CEP295: variants seen among roughly 807,000 people sequenced by gnomAD.
CEP295 encodes centrosomal protein of 295 kDa.
In CEP295, 190 loss-of-function variants were observed where a neutral mutation model predicts 291.6. The ratio of observed to expected loss-of-function variants is 0.65; its 90% confidence interval spans 0.58 to 0.73. The LOEUF is 0.73. CEP295 is among the 30% of genes least tolerant of loss of function. The pLI, the probability that CEP295 is intolerant of heterozygous loss-of-function variation, is 0.00. For synonymous variants in CEP295, 993 were observed against 1,038.8 expected (o/e 0.96, Z 0.85); for missense variants, 2,863 against 2,949.4 (o/e 0.97, Z 0.68).
Position 93,699,343 on chromosome 11 carries a change from G to A in CEP295, c.4431G>A (p.Gln1477=), listed in dbSNP as rs932802984. The part of the protein sequence containing the change: ...TDFLPSIEKT[Q]KELVLSKPCK... ...TCCTTCCTTCTATTGAGAAAACCCA[G>A]AAAGAATTGGTTTTGTCAAAACCAT... The change falls in exon 15 of 30, where the codon CAG becomes CAA. Residue 1477 remains glutamine, a synonymous_variant. Transcript: ENST00000325212. 6.4e-7 allele frequency: 1 copy of A among 1,551,926 alleles called. No homozygotes were observed. Among genetic ancestry groups the A allele is most frequent in the African/African-American group, 1.4e-5 (1 of 73,042 alleles).
intron 5 of CEP295, among the ~76,000 whole-genome samples, chr11:93,673,943 T>TC (rs34110461): frequency 0.92 from 138,050 of 150,250 alleles, 64,219 homozygotes; most frequent in East Asian, 0.99. Context: ...ATTTTCTTAA[T>TC]CCCCCCTTCT....
At chr11:93,689,015 T>C (rs1591028814) in intron 10 of CEP295, among the ~76,000 whole-genome samples, 1 of 152,298 alleles carries the variant, frequency 6.6e-6, no homozygotes, top group Non-Finnish European at 1.5e-5. Flanking sequence ...ATGTATCTTA[T>C]GTCCAAACTA....
intron 16 of CEP295, 39 bp from the exon 17 acceptor site, chr11:93,702,737 G>T: frequency 1.3e-6 from 2 of 1,546,702 alleles, no homozygotes; most frequent in Non-Finnish European, 1.7e-6. Context: ...TATGTTAATA[G>T]ATTTTGTATT....
Position 93,706,794 on chromosome 11 carries a change from C to A in CEP295, c.5646C>A (p.Ser1882Arg). ...GAGACCCCCTGCGAGTCTCAATAAG[C>A]CGAGAACAAAGTTTCTTTGGGAGCC... ...EDRDPLRVSI[S>R]REQSFFGSPL... The change falls in exon 18 of 30, where the codon AGC (serine) becomes AGA (arginine). Residue 1882 changes from serine to arginine, a missense_variant. Physicochemically the swap from Ser to Arg is moderately radical, Grantham distance 110. Transcript: ENST00000325212. 6.5e-7 allele frequency: 1 copy of A among 1,550,244 alleles called. No individual in the cohort carries two copies. The highest frequency in any genetic ancestry group is 8.7e-7 in the Non-Finnish European group (1 of 1,146,250).
At chr11:93,670,016 A>G (rs1307131885) in intron 5 of CEP295, among the ~76,000 whole-genome samples, 2 of 152,084 alleles carry the variant, frequency 1.3e-5, no homozygotes, top group Non-Finnish European at 2.9e-5. Context: ...ATTGTTTCCA[A>G]TATTATTTAA....
chr11:93,701,539 CT>C (rs751343379), intron 15 of CEP295, among the ~76,000 whole-genome samples: 1 of 152,120 alleles, frequency 6.6e-6, no homozygotes. Flanking sequence ...GAGGGAAATA[CT>C]CAAATATAAT....
chr11:93,705,006 TTATTA>T (rs755190882), intron 17 of CEP295, among the ~76,000 whole-genome samples: 3 of 152,322 alleles, frequency 2.0e-5, no homozygotes, highest in East Asian at 3.9e-4. Flanking sequence ...GTATATTATG[TTATTA>T]TATTTTATTT....
rs1952030492 is a variant in CEP295, at chr11:93,699,636, T to G, written c.4724T>G (p.Leu1575Arg). Residue 1575 changes from leucine to arginine, a missense_variant, in exon 15 of 30, where the codon CTT (leucine) becomes CGT (arginine). By Grantham distance (102) the Leu-to-Arg change is moderately radical (BLOSUM62 -2). Around this residue, in one of 3 missense-constraint regions of CEP295, gnomAD observed 2,295 missense variants for 2,335.7 expected, o/e 0.98. Coordinates refer to ENST00000325212, the MANE Select transcript of CEP295 (RefSeq NM_033395.2). ...TTCCCAACCAAAAGTAATGATACTC[T>G]TCCCTCAAGTCATCGTGAGATTCCA... Reference protein sequence around the residue: ...KSFPTKSNDTLPSSHREIPRL... With the variant: ...KSFPTKSNDTRPSSHREIPRL... 6.4e-7 allele frequency: 1 copy of G among 1,551,590 alleles called. No homozygotes were observed. Among genetic ancestry groups the G allele is most frequent in the African/African-American group, 1.4e-5 (1 of 73,062 alleles).
rs919191269 is a variant in CEP295, at chr11:93,692,097, C to T, written c.1533+67C>T. ...GGTACTATTATATAATTTTGTTTGG[C>T]CAATGAAATTTGTCTTAATGTCTGG... On this transcript the variant is annotated intron_variant, in intron 12 of 29. Coordinates refer to ENST00000325212, the MANE Select transcript of CEP295 (RefSeq NM_033395.2). 5.1e-5 allele frequency: 45 copies of T among 890,698 alleles called. No individual in the cohort carries two copies. In the Admixed American group the frequency reaches 9.8e-4, roughly 19 times the overall value. The allele number at this position is 890,698 out of a possible 1,614,324, so 55.2% of individuals were successfully genotyped here.
Position 93,699,691 on chromosome 11 carries a change from A to C in CEP295, c.4779A>C (p.Ser1593=), listed in dbSNP as rs776719316. 451 of 1,551,494 alleles carry C rather than the reference A, an allele frequency of 2.9e-4. No homozygotes were observed. Among genetic ancestry groups the C allele is most frequent in the Non-Finnish European group, 3.8e-4 (434 of 1,147,046 alleles). Residue 1593 remains serine (S), a synonymous_variant, in exon 15 of 30, where the codon TCA becomes TCC. Coordinates refer to ENST00000325212, the MANE Select transcript of CEP295 (RefSeq NM_033395.2). ...PRLQDRLLSL[S]KPILPQQDNM... ...TACAGGATAGACTTTTGAGTTTATC[A>C]AAGCCTATTCTGCCTCAGCAAGATA...
rs11371094 is a variant in CEP295, at chr11:93,720,062, TAA to T, written c.5750-1237_5750-1236del. On this transcript the variant is annotated intron_variant, in intron 18 of 29. Coordinates refer to ENST00000325212, the MANE Select transcript of CEP295 (RefSeq NM_033395.2). ...TGCTCATTATGAATTTAGAAAGCTG[TAA>T]AAAAAAAAAAAAGCTGGGCGTAGTG... Among the ~76,000 whole-genome samples, 187 of 144,780 alleles carry T rather than the reference TAA, an allele frequency of 1.3e-3. 1 individual carries two copies. The highest frequency in any genetic ancestry group is 4.5e-3 in the African/African-American group (177 of 39,634). The allele number at this position is 144,780 out of a possible 152,430, so 95.0% of individuals were successfully genotyped here. A position where few individuals can be genotyped will look rare whatever the true frequency, so the allele number is the denominator to read the frequency against.
intron 5 of CEP295, among the ~76,000 whole-genome samples, chr11:93,673,349 C>T (rs1019543908): frequency 6.6e-6 from 1 of 152,078 alleles, no homozygotes; most frequent in Non-Finnish European, 1.5e-5. Context: ...CAGTTTAATC[C>T]TTTACCTAAA....
chr11:93,702,669 C>A, intron 16 of CEP295, 32 bp downstream of exon 16: 1 of 1,529,778 alleles, frequency 6.5e-7, no homozygotes, highest in Non-Finnish European at 8.8e-7. Context: ...GTAATTATTT[C>A]ACTGATTATT....
chr11:93,716,595 T>G (rs1591128888), intron 18 of CEP295, among the ~76,000 whole-genome samples: 1 of 152,196 alleles, frequency 6.6e-6, no homozygotes, highest in African/African-American at 2.4e-5. Context: ...ACTCAACGTC[T>G]AAAGACTGGG....
intron 13 of CEP295, 145 bp downstream of exon 13, chr11:93,695,779 G>C: frequency 1.2e-6 from 1 of 866,498 alleles, no homozygotes; most frequent in Non-Finnish European, 1.6e-6. Context: ...GGGTGGCCGA[G>C]ACAGGCAGAT....
At chr11:93,721,729 C>T (rs1953739732) in intron 19 of CEP295, 1 of 718,098 alleles carries the variant, frequency 1.4e-6, no homozygotes. Flanking sequence ...AAGATAACAG[C>T]TGTAGGAATG....
At chr11:93,710,002 C>T (rs150252636) in intron 18 of CEP295, among the ~76,000 whole-genome samples, 41 of 152,246 alleles carry the variant, frequency 2.7e-4, no homozygotes, top group Admixed American at 1.3e-3. Flanking sequence ...ATCCTGCAAC[C>T]GTACTGAATT....
intron 18 of CEP295, among the ~76,000 whole-genome samples, chr11:93,713,659 C>G (rs944160740): frequency 7.9e-5 from 12 of 152,104 alleles, no homozygotes; most frequent in Non-Finnish European, 1.5e-5. Context: ...TGGGTTAAAT[C>G]TGCTTGGTGT....
chr11:93,702,973 C>A, intron 17 of CEP295, 54 bp downstream of exon 17: 1 of 1,401,918 alleles, frequency 7.1e-7, no homozygotes, highest in Admixed American at 2.3e-5. Context: ...CAGTTTTCTA[C>A]TTTTTTTTTA....
Sources: allele counts gnomAD v4.1 joint callset (sites outside exome capture counted in the v4.1 genomes callset), GRCh38; gene constraint gnomAD v4.1.1; regional missense constraint gnomAD v4.1.1; transcripts MANE v1.5; gene names NCBI Gene and HGNC (gene_info 2026-07-23, HGNC 2026-07-21).